The following DGCR2 variants were observed in gnomAD, a reference collection of about 807,000 sequenced individuals.
DGCR2 encodes the protein integral membrane protein DGCR2/IDD.
A neutral mutation model predicts 51.6 loss-of-function variants in DGCR2; 24 were observed. The observed-to-expected ratio is 0.47, with a 90% confidence interval of 0.34 to 0.65. DGCR2 has a LOEUF of 0.65. Among genes scored for constraint, DGCR2 ranks in the 30% least tolerant of loss-of-function variants. DGCR2 has a pLI of 0.01. For missense variants in DGCR2, 765 were observed against 772.1 expected (o/e 0.99, Z 0.11); for synonymous variants, 340 against 315.4 (o/e 1.08, Z -0.82).
At chr22:19,113,931 C>T (rs1312607855) in intron 1 of DGCR2, among the ~76,000 whole-genome samples, 1 of 151,910 alleles carries the variant, frequency 6.6e-6, no homozygotes, top group Non-Finnish European at 1.5e-5. Context: ...TGGTGGCAGA[C>T]GCCTGTCATC....
chr22:19,080,928 C>T (rs2082929374), intron 2 of DGCR2, among the ~76,000 whole-genome samples: 1 of 152,128 alleles, frequency 6.6e-6, no homozygotes, highest in South Asian at 2.1e-4. Flanking sequence ...AAGAGAATTC[C>T]ACCAATCCCT....
At chr22:19,059,416 C>T (rs979425540) in intron 5 of DGCR2, among the ~76,000 whole-genome samples, 1 of 151,966 alleles carries the variant, frequency 6.6e-6, no homozygotes, top group Non-Finnish European at 1.5e-5. Context: ...GGGGATGACT[C>T]CTGCAGATTT....
chr22:19,082,241 T>G (rs1312071243), intron 2 of DGCR2, among the ~76,000 whole-genome samples: 1 of 147,368 alleles, frequency 6.8e-6, no homozygotes, highest in Non-Finnish European at 1.5e-5. Context: ...TTTTTTTTTT[T>G]TTTTCATAGA....
intron 4 of DGCR2, 52 bp from the exon 5 acceptor site, chr22:19,063,330 C>G: frequency 6.5e-7 from 1 of 1,536,832 alleles, no homozygotes; most frequent in Non-Finnish European, 9.0e-7. Flanking sequence ...AGGGATGCAA[C>G]CATCAATGAC....
At chr22:19,080,281 T>A (rs1299609759) in intron 2 of DGCR2, among the ~76,000 whole-genome samples, 1 of 152,200 alleles carries the variant, frequency 6.6e-6, no homozygotes, top group Non-Finnish European at 1.5e-5. Context: ...TTAAGTGCTG[T>A]CTAATAGAAA....
intron 1 of DGCR2, among the ~76,000 whole-genome samples, chr22:19,097,869 G>C (rs538769849): frequency 7.2e-5 from 11 of 152,168 alleles, no homozygotes; most frequent in Admixed American, 6.5e-4. Context: ...GAAGTTCTGT[G>C]CACCCTGAGG....
chr22:19,087,181 G>A (rs1456881580), intron 2 of DGCR2, among the ~76,000 whole-genome samples: 2 of 152,120 alleles, frequency 1.3e-5, no homozygotes, highest in East Asian at 3.9e-4. Context: ...CAAGCACTGG[G>A]AAGCCCACTG....
chr22:19,052,467 G>A lies in DGCR2; in HGVS notation c.803-3824C>T, dbSNP rs560477956. ...AAGAAAAAAAGAAAAAAGAAAACAC[G>A]TTTGCACAAAAACCTGTATGCGGAT... On this transcript the variant is annotated intron_variant, in intron 6 of 9. Transcript: ENST00000263196. 1.1e-4 allele frequency among the ~76,000 whole-genome samples: 17 copies of A among 151,346 alleles called. No individual in the cohort carries two copies. In the East Asian group the frequency reaches 1.2e-3, roughly 10 times the overall value.
chr22:19,041,345 G>T (rs1235035815), intron 8 of DGCR2, 51 bp from the exon 9 acceptor site: 3 of 1,570,404 alleles, frequency 1.9e-6, no homozygotes. Flanking sequence ...ACTGGGGGCA[G>T]GCTGCCTGGC....
chr22:19,106,603 G>A (rs1402238622), intron 1 of DGCR2, among the ~76,000 whole-genome samples: 1 of 152,210 alleles, frequency 6.6e-6, no homozygotes, highest in Non-Finnish European at 1.5e-5. Flanking sequence ...TGTGGCTCAT[G>A]GAAAATGATG....
At chr22:19,109,502 G>A (rs1298929180) in intron 1 of DGCR2, among the ~76,000 whole-genome samples, 1 of 152,134 alleles carries the variant, frequency 6.6e-6, no homozygotes, top group African/African-American at 2.4e-5. Flanking sequence ...TGAACCTTGA[G>A]GTAAAATAAG....
chr22:19,112,151 T>C (rs981819045), intron 1 of DGCR2, among the ~76,000 whole-genome samples: 1 of 151,680 alleles, frequency 6.6e-6, no homozygotes, highest in Non-Finnish European at 1.5e-5. Context: ...CACGCACCTG[T>C]AGTCCCAGCT....
chr22:19,101,779 G>A (rs1018911573), intron 1 of DGCR2, among the ~76,000 whole-genome samples: 42 of 151,380 alleles, frequency 2.8e-4, no homozygotes, highest in Non-Finnish European at 5.2e-4. Flanking sequence ...CAGGCATGGT[G>A]GCTCACCACA....
intron 2 of DGCR2, among the ~76,000 whole-genome samples, chr22:19,088,770 C>T (rs2083045500): frequency 6.6e-6 from 1 of 152,206 alleles, no homozygotes; most frequent in Non-Finnish European, 1.5e-5. Context: ...AACAACGGAT[C>T]CAGTGAACAT....
At chr22:19,094,387 T>G (rs1001319268) in intron 1 of DGCR2, among the ~76,000 whole-genome samples, 1 of 152,222 alleles carries the variant, frequency 6.6e-6, no homozygotes, top group Non-Finnish European at 1.5e-5. Flanking sequence ...ATTGCACCAC[T>G]GCACTCCAGT....
At chr22:19,115,238 C>A (rs1403255242) in intron 1 of DGCR2, among the ~76,000 whole-genome samples, 3 of 152,214 alleles carry the variant, frequency 2.0e-5, no homozygotes, top group Admixed American at 6.5e-5. Context: ...CAGGTGCCAG[C>A]AAGTCCATCA....
chr22:19,071,541 G>A (rs2082815210), intron 2 of DGCR2, among the ~76,000 whole-genome samples: 2 of 152,094 alleles, frequency 1.3e-5, no homozygotes, highest in South Asian at 2.1e-4. Flanking sequence ...CAAATTGAAC[G>A]CCATTCTACA....
intron 6 of DGCR2, among the ~76,000 whole-genome samples, chr22:19,053,025 T>C (rs756360856): frequency 6.6e-6 from 1 of 152,200 alleles, no homozygotes; most frequent in Non-Finnish European, 1.5e-5. Flanking sequence ...CTTCTCTATT[T>C]TGAGTCCATA....
At chr22:19,060,038 C>T (rs948769658) in intron 5 of DGCR2, among the ~76,000 whole-genome samples, 2 of 152,154 alleles carry the variant, frequency 1.3e-5, no homozygotes, top group South Asian at 2.1e-4. Context: ...CAGATGCTCC[C>T]GAATGCCCCA....
Sources: allele counts gnomAD v4.1 joint callset (sites outside exome capture counted in the v4.1 genomes callset), GRCh38; gene constraint gnomAD v4.1.1; transcripts MANE v1.5; gene names NCBI Gene and HGNC (gene_info 2026-07-23, HGNC 2026-07-21).